PBX3: variants seen among roughly 807,000 people sequenced by gnomAD.
PBX3 encodes PBX homeobox 3, also known as pre-B-cell leukemia transcription factor 3.
In PBX3, 14 loss-of-function variants were observed where a neutral mutation model predicts 48.5. That is an observed-to-expected ratio of 0.29 (90% CI 0.19 to 0.45). The LOEUF (loss-of-function observed/expected upper bound fraction) is 0.45. PBX3 is among the 20% of genes least tolerant of loss of function. PBX3 has a pLI of 1.00. For synonymous variants in PBX3, 210 were observed against 200.3 expected, an observed-to-expected ratio of 1.05 and a Z score of -0.41; for missense variants, 386 against 546.7, an observed-to-expected ratio of 0.71 and a Z score of 2.93.
At chr9:125,948,751 G>A (rs1842124070) in intron 5 of PBX3, among the ~76,000 whole-genome samples, 1 of 151,538 alleles carries the variant, frequency 6.6e-6, no homozygotes, top group Non-Finnish European at 1.5e-5. Context: ...CACACAGTAA[G>A]TCCATTTCTA....
chr9:125,877,770 A>G (rs993129973), intron 2 of PBX3, among the ~76,000 whole-genome samples: 1 of 152,166 alleles, frequency 6.6e-6, no homozygotes, highest in Non-Finnish European at 1.5e-5. Context: ...ATCATCGTTA[A>G]TATCATCATC....
chr9:125,782,398 C>T (rs1588142061), intron 2 of PBX3, among the ~76,000 whole-genome samples: 2 of 152,172 alleles, frequency 1.3e-5, no homozygotes, highest in African/African-American at 4.8e-5. Context: ...AGGGACACAG[C>T]CAAACCATAT....
intron 2 of PBX3, among the ~76,000 whole-genome samples, chr9:125,752,487 A>G (rs908036795): frequency 2.0e-5 from 3 of 152,212 alleles, no homozygotes; most frequent in African/African-American, 7.2e-5. Context: ...TTTTATGTGC[A>G]TTTAGTATAT....
At chr9:125,850,616 T>C (rs544505681) in intron 2 of PBX3, among the ~76,000 whole-genome samples, 2 of 152,172 alleles carry the variant, frequency 1.3e-5, no homozygotes, top group South Asian at 2.1e-4. Context: ...ATTAAGAAAT[T>C]AGAAATTTTA....
intron 2 of PBX3, among the ~76,000 whole-genome samples, chr9:125,805,708 G>T (rs1387382603): frequency 1.3e-5 from 2 of 152,162 alleles, no homozygotes; most frequent in Admixed American, 1.3e-4. Context: ...ATGAACACTT[G>T]GTTAAATGAT....
At chr9:125,817,460 C>T (rs547177239) in intron 2 of PBX3, among the ~76,000 whole-genome samples, 3 of 152,134 alleles carry the variant, frequency 2.0e-5, no homozygotes, top group South Asian at 2.1e-4. Flanking sequence ...GGGGTTTGTG[C>T]GATAGATACA....
At chr9:125,755,798 T>C (rs1480309765) in intron 2 of PBX3, among the ~76,000 whole-genome samples, 1 of 151,012 alleles carries the variant, frequency 6.6e-6, no homozygotes, top group Non-Finnish European at 1.5e-5. Context: ...ATTATTTAAA[T>C]GAAATGTTAC....
At chr9:125,826,469 A>AT (rs1444327952) in intron 2 of PBX3, among the ~76,000 whole-genome samples, 1 of 152,006 alleles carries the variant, frequency 6.6e-6, no homozygotes, top group Admixed American at 6.6e-5. Flanking sequence ...TGATTATGGG[A>AT]TTTTTTCCTT....
chr9:125,899,370 TATATG>T, intron 2 of PBX3, among the ~76,000 whole-genome samples: 1 of 129,118 alleles, frequency 7.7e-6, no homozygotes, highest in South Asian at 2.3e-4. Context: ...AATATATACA[TATATG>T]TATATATTTT....
intron 5 of PBX3, among the ~76,000 whole-genome samples, chr9:125,959,388 A>G (rs1588342788): frequency 6.6e-6 from 1 of 152,210 alleles, no homozygotes; most frequent in Non-Finnish European, 1.5e-5. Context: ...CTGCATGTGT[A>G]TATGTGCACA....
Position 125,813,449 on chromosome 9 carries a change from A to G in PBX3, c.274+64826A>G, listed in dbSNP as rs1163890746. Among the ~76,000 whole-genome samples, 4 of 152,240 alleles carry G rather than the reference A, an allele frequency of 2.6e-5. No individual in the cohort carries two copies. In the South Asian group the frequency reaches 6.2e-4, roughly 24 times the overall value. ...TGACCAAAACATCATTATGCAGTGT[A>G]TAACAGTAAATGCAAACCCCAACTG... is the stretch of plus-strand genomic sequence containing the variant. On this transcript the variant is annotated intron_variant, in intron 2 of 8. Transcript: ENST00000373489.
At chr9:125,948,840 C>T (rs1211634024) in intron 5 of PBX3, among the ~76,000 whole-genome samples, 1 of 151,988 alleles carries the variant, frequency 6.6e-6, no homozygotes. Flanking sequence ...ACTGAAAATT[C>T]AATTCAATCT....
At chr9:125,931,113 T>G (rs1437151755) in intron 4 of PBX3, among the ~76,000 whole-genome samples, 1 of 152,184 alleles carries the variant, frequency 6.6e-6, no homozygotes, top group Non-Finnish European at 1.5e-5. Context: ...TTTTACAATA[T>G]TCTCTCTCTT....
At chr9:125,796,896 A>G (rs183581875) in intron 2 of PBX3, among the ~76,000 whole-genome samples, 2 of 152,070 alleles carry the variant, frequency 1.3e-5, no homozygotes, top group African/African-American at 4.8e-5. Context: ...ATTTGCACCA[A>G]TGCCCTCTTA....
chr9:125,898,549 T>C (rs1461410460), intron 2 of PBX3, among the ~76,000 whole-genome samples: 4 of 151,786 alleles, frequency 2.6e-5, no homozygotes, highest in Non-Finnish European at 5.9e-5. Flanking sequence ...CAGAGATTCC[T>C]GACTAAATTC....
At chr9:125,942,345 G>C (rs1220704667) in intron 5 of PBX3, among the ~76,000 whole-genome samples, 2 of 152,180 alleles carry the variant, frequency 1.3e-5, no homozygotes, top group African/African-American at 4.8e-5. Context: ...AATATCACTA[G>C]GGCTGCATCA....
intron 2 of PBX3, among the ~76,000 whole-genome samples, chr9:125,825,127 T>A (rs1331171324): frequency 6.6e-6 from 1 of 152,080 alleles, no homozygotes; most frequent in Non-Finnish European, 1.5e-5. Flanking sequence ...CTACAAGAAA[T>A]ACAATAATTG....
At chr9:125,781,668 T>G (rs1388779926) in intron 2 of PBX3, among the ~76,000 whole-genome samples, 1 of 152,196 alleles carries the variant, frequency 6.6e-6, no homozygotes, top group East Asian at 1.9e-4. Context: ...TGATTCTTTC[T>G]ATTGTTTTTC....
intron 2 of PBX3, among the ~76,000 whole-genome samples, chr9:125,783,853 T>G (rs1260536471): frequency 6.6e-6 from 1 of 151,788 alleles, no homozygotes; most frequent in Admixed American, 6.6e-5. Context: ...ACAAGAAAAT[T>G]AGCTGGGCAT....
Sources: allele counts gnomAD v4.1 joint callset (sites outside exome capture counted in the v4.1 genomes callset), GRCh38; gene constraint gnomAD v4.1.1; transcripts MANE v1.5; gene names NCBI Gene and HGNC (gene_info 2026-07-23, HGNC 2026-07-21).